The following NSFL1C variants were observed in gnomAD, a reference collection of about 807,000 sequenced individuals.
The protein encoded by NSFL1C is NSFL1 cofactor p47.
NSFL1C carries 14 observed loss-of-function variants against 43.1 expected under a neutral mutation model. The ratio of observed to expected loss-of-function variants is 0.32; its 90% CI spans 0.21 to 0.51. The LOEUF is 0.51. NSFL1C is among the 20% of genes least tolerant of loss of function. NSFL1C has a pLI of 0.98. For synonymous variants in NSFL1C, 171 were observed against 183.5 expected, an observed-to-expected ratio of 0.93 and a Z score of 0.55; for missense variants, 406 against 472.5, an observed-to-expected ratio of 0.86 and a Z score of 1.30.
intron 2 of NSFL1C, among the ~76,000 whole-genome samples, chr20:1,462,267 G>A (rs1214868861): frequency 2.6e-5 from 4 of 152,160 alleles, no homozygotes; most frequent in African/African-American, 9.7e-5. Context: ...TTCCTCTGAG[G>A]TGCTAGCACA....
intron 4 of NSFL1C, among the ~76,000 whole-genome samples, chr20:1,454,568 A>G (rs929981830): frequency 9.2e-5 from 14 of 152,376 alleles, no homozygotes; most frequent in African/African-American, 3.1e-4. Flanking sequence ...GATGCTACTA[A>G]ACTCTCATTA....
At chr20:1,445,877 T>C (rs766175653) in intron 7 of NSFL1C, 47 bp from the exon 8 acceptor site, 7 of 1,591,574 alleles carry the variant, frequency 4.4e-6, no homozygotes, top group Non-Finnish European at 4.3e-6. Context: ...ACAAGGCCCC[T>C]AGCAAGAAGG....
intron 1 of NSFL1C, among the ~76,000 whole-genome samples, chr20:1,464,785 C>T (rs1324393430): frequency 6.6e-6 from 1 of 152,144 alleles, no homozygotes; most frequent in Admixed American, 6.5e-5. Flanking sequence ...TCCTCAAGAA[C>T]TCTATGCTAT....
At chr20:1,465,658 C>A (rs1458345520) in intron 1 of NSFL1C, among the ~76,000 whole-genome samples, 1 of 152,222 alleles carries the variant, frequency 6.6e-6, no homozygotes, top group Non-Finnish European at 1.5e-5. Context: ...TGAGCAAATT[C>A]TTTGCCCTCT....
At chr20:1,453,486 G>A (rs1354292806) in intron 5 of NSFL1C, among the ~76,000 whole-genome samples, 5 of 152,096 alleles carry the variant, frequency 3.3e-5, no homozygotes, top group Non-Finnish European at 5.9e-5. Flanking sequence ...AAACTACCAT[G>A]GCAAATCTTG....
In NSFL1C at chr20:1,452,589, T is replaced by C; in HGVS notation, c.689A>G (p.Gln230Arg). The C allele has an allele frequency of 1.9e-6, 3 of 1,614,174 alleles. No homozygotes were observed. The highest frequency in any genetic ancestry group is 2.5e-6 in the Non-Finnish European group (3 of 1,180,016). ...ATGGTCCTCCATATCCAAGTTCACC[T>C]GTCCACCGTGAGCTAGCCTCCGAAG... Reference protein sequence around the residue: ...AELRRLAHGGQVNLDMEDHRD... With the variant: ...AELRRLAHGGRVNLDMEDHRD... Residue 230 changes from glutamine (Q) to arginine (R), a missense_variant, in exon 7 of 9, where the codon CAG (glutamine) becomes CGG (arginine). Physicochemically the swap from Gln to Arg is conservative, Grantham distance 43 (BLOSUM62 1). This residue lies in a region of NSFL1C where 196 missense variants were observed against 228.0 expected (regional missense o/e 0.86). Transcript: ENST00000216879.
chr20:1,454,714 G>T (rs2090259502), intron 4 of NSFL1C, among the ~76,000 whole-genome samples: 1 of 152,192 alleles, frequency 6.6e-6, no homozygotes, highest in South Asian at 2.1e-4. Context: ...CACTAAGTCA[G>T]TCAAATTTGA....
chr20:1,444,180 C>T (rs777043842), intron 8 of NSFL1C, among the ~76,000 whole-genome samples: 10 of 152,154 alleles, frequency 6.6e-5, no homozygotes, highest in Non-Finnish European at 8.8e-5. Context: ...CTCTTCTGCC[C>T]GCTTCTAGTT....
At chr20:1,459,639 A>G (rs1269865430) in intron 2 of NSFL1C, among the ~76,000 whole-genome samples, 1 of 152,224 alleles carries the variant, frequency 6.6e-6, no homozygotes, top group African/African-American at 2.4e-5. Context: ...GGATCCATCA[A>G]CTAGAAGTGA....
At chr20:1,454,384 C>G in intron 4 of NSFL1C, 79 bp from the exon 5 acceptor site, 2 of 992,474 alleles carry the variant, frequency 2.0e-6, no homozygotes, top group Non-Finnish European at 3.1e-6. Context: ...ATATATATAT[C>G]TTAGGTAAGA....
In NSFL1C at chr20:1,464,458, T is replaced by TA. The variant is rs772639868; in HGVS notation, c.106-33dup. On this transcript the variant is annotated intron_variant, in intron 1 of 8. Transcript: ENST00000216879. ...CAGAGAGGTAGTACCTTGGGACCCT[T>TA]AAACAGGCCTTCACCTAACGCACAT... 2.6e-6 allele frequency: 4 copies of TA among 1,560,380 alleles called. No individual in the cohort carries two copies. The African/African-American group carries it at 5.4e-5, about 21-fold the overall frequency.
At position 1,443,844 on chromosome 20, in the gene NSFL1C, T is replaced by A; in HGVS notation, c.1018A>T (p.Met340Leu). Residue 340 changes from methionine (M) to leucine (L), a missense_variant, in exon 9 of 9, where the codon ATG becomes TTG. Physicochemically the swap from Met to Leu is conservative, Grantham distance 15. Transcript: ENST00000216879. Reference protein sequence around the residue: ...PAMAATSFILMTTFPNKELAD... With the variant: ...PAMAATSFILLTTFPNKELAD... ...AGCTCTTTGTTCGGGAAAGTAGTCA[T>A]GAGGATAAAGCTGGTGGCAGCCATG... is the stretch of plus-strand genomic sequence containing the variant. 1 of 1,614,032 alleles carries A rather than the reference T, an allele frequency of 6.2e-7. No homozygotes were observed. Among genetic ancestry groups the A allele is most frequent in the Non-Finnish European group, 8.5e-7 (1 of 1,180,008 alleles).
At position 1,458,249 on chromosome 20, in the gene NSFL1C, C is replaced by A; in HGVS notation, c.229G>T (p.Asp77Tyr). 1.9e-6 allele frequency: 3 copies of A among 1,613,806 alleles called. No individual in the cohort carries two copies. Among genetic ancestry groups the A allele is most frequent in the Non-Finnish European group, 2.5e-6 (3 of 1,179,736 alleles). The change falls in exon 3 of 9, where the codon GAC becomes TAC. Residue 77 changes from aspartate to tyrosine, a missense_variant. By Grantham distance (160) the Asp-to-Tyr change is radical (BLOSUM62 -3). Coordinates refer to ENST00000216879, the MANE Select transcript of NSFL1C (RefSeq NM_016143.5). ...TCTTCATCTTGGTCATGAATGAGGT[C>A]TCTGAAGGATGTCACTCTATTATCA... ...PSDNRVTSFR[D>Y]LIHDQDEDEE...
intron 7 of NSFL1C, among the ~76,000 whole-genome samples, chr20:1,447,284 A>G (rs1568614118): frequency 2.6e-5 from 4 of 152,214 alleles, no homozygotes; most frequent in Admixed American, 2.6e-4. Context: ...AATAGTGAAT[A>G]GGTAAATCTC....
intron 7 of NSFL1C, among the ~76,000 whole-genome samples, chr20:1,450,078 G>A (rs1001999376): frequency 6.6e-6 from 1 of 152,112 alleles, no homozygotes; most frequent in African/African-American, 2.4e-5. Context: ...TATTTTAACT[G>A]AGACAACTTA....
intron 1 of NSFL1C, 26 bp downstream of exon 1, chr20:1,466,694 C>G: frequency 6.5e-7 from 1 of 1,531,874 alleles, no homozygotes; most frequent in African/African-American, 1.4e-5. Context: ...CCGGCCCACC[C>G]GACACAGCCC....
At chr20:1,452,665 GAGA>G (rs1485163606) in intron 6 of NSFL1C, 35 bp from the exon 7 acceptor site, 1 of 1,611,510 alleles carries the variant, frequency 6.2e-7, no homozygotes, top group East Asian at 2.2e-5. Context: ...GGTCCACAGA[GAGA>G]AGATGGAAAT....
chr20:1,443,964 C>T (rs1268696984), intron 8 of NSFL1C, 53 bp from the exon 9 acceptor site: 1 of 1,557,198 alleles, frequency 6.4e-7, no homozygotes, highest in African/African-American at 1.3e-5. Flanking sequence ...GTCCATACCC[C>T]TGCCCTGTGG....
Position 1,443,652 on chromosome 20 carries a change from C to G in NSFL1C, c.*97G>C. The G allele has an allele frequency of 7.6e-7, 1 of 1,307,234 alleles. No individual in the cohort carries two copies. The allele number at this position is 1,307,234 out of a possible 1,614,324, so 81.0% of individuals were successfully genotyped here. A position where few individuals can be genotyped will look rare whatever the true frequency, so the allele number is the denominator to read the frequency against. On this transcript the variant is annotated 3_prime_UTR_variant, in exon 9 of 9. Coordinates refer to ENST00000216879, the MANE Select transcript of NSFL1C (RefSeq NM_016143.5). ...ATGGAGGAGACGTTGCACTGGACTG[C>G]TGGGTGTGCACAAGGGGGCAGGAGG...
Sources: gnomAD v4.1 joint callset for allele counts (sites outside exome capture counted in the v4.1 genomes callset) on GRCh38, gnomAD v4.1.1 for gene constraint, gnomAD v4.1.1 regional missense constraint, MANE v1.5 for transcripts, NCBI Gene and HGNC (gene_info 2026-07-23, HGNC 2026-07-21) for gene names.